The following VBP1 variants were observed in gnomAD, a reference collection of about 807,000 sequenced individuals.
VBP1 encodes VHL binding protein 1.
In VBP1, 4 loss-of-function variants were observed where a neutral mutation model predicts 15.5. The ratio of observed to expected loss-of-function variants is 0.26; its 90% confidence interval spans 0.13 to 0.59. The LOEUF is 0.59. Ranked by LOEUF, VBP1 falls within the 20% of genes least tolerant of loss-of-function variation. The pLI is 0.90. For synonymous variants in VBP1, 61 were observed against 52.1 expected (o/e 1.17, Z -0.74); for missense variants, 108 against 139.6 (o/e 0.77, Z 1.14).
intron 4 of VBP1, among the ~76,000 whole-genome samples, chrX:155,230,929 T>C (rs971424630): frequency 9.0e-6 from 1 of 111,694 alleles, no homozygotes; most frequent in African/African-American, 3.3e-5. Flanking sequence ...CTGCCCACCT[T>C]GGCCTCCCAA....
At chrX:155,237,233 A>G (rs1007461692) in intron 5 of VBP1, among the ~76,000 whole-genome samples, 1 of 111,202 alleles carries the variant, frequency 9.0e-6, no homozygotes, top group Non-Finnish European at 1.9e-5. Context: ...TTCCTGTCAC[A>G]GTCACTCAAG....
intron 1 of VBP1, among the ~76,000 whole-genome samples, chrX:155,202,256 A>T (rs1557307576): frequency 9.0e-6 from 1 of 111,661 alleles, no homozygotes; most frequent in Admixed American, 9.5e-5. Flanking sequence ...ATTGGAAAAA[A>T]TTTTAAAGTT....
At chrX:155,205,873 A>G (rs1247953282) in intron 1 of VBP1, among the ~76,000 whole-genome samples, 1 of 111,702 alleles carries the variant, frequency 9.0e-6, no homozygotes, top group Non-Finnish European at 1.9e-5. Flanking sequence ...TTCACTTTTC[A>G]ACTCACTTTA....
intron 1 of VBP1, among the ~76,000 whole-genome samples, chrX:155,202,089 C>T (rs1557307553): frequency 1.2e-4 from 13 of 111,137 alleles, no homozygotes. Context: ...AACTACAAAC[C>T]ACTGCTCAAT....
At chrX:155,231,188 G>A (rs2074744525) in intron 4 of VBP1, among the ~76,000 whole-genome samples, 1 of 112,098 alleles carries the variant, frequency 8.9e-6, no homozygotes, top group African/African-American at 3.2e-5. Flanking sequence ...GGAATACAGA[G>A]GTGTCCTTTC....
At chrX:155,236,775 A>G (rs2074775644) in intron 5 of VBP1, among the ~76,000 whole-genome samples, 1 of 112,727 alleles carries the variant, frequency 8.9e-6, no homozygotes, top group African/African-American at 3.2e-5. Context: ...GCAAATTCAC[A>G]TAGGTGAGTA....
rs1557307467 is a variant in VBP1, at chrX:155,201,541, C to T, written c.-31+4402C>T. 4.8e-5 allele frequency among the ~76,000 whole-genome samples: 4 copies of T among 84,078 alleles called. 1 individual carries two copies. The highest frequency in any genetic ancestry group is 2.4e-4 in the African/African-American group (4 of 16,327). 73.0% of individuals were successfully genotyped at this position (84,078 alleles called of 115,157 possible). On this transcript the variant is annotated intron_variant, in intron 1 of 6. Transcript: ENST00000535916. ...ATTATCTCAATAGATGCAGAAAAGA[C>T]CTTTGACAAATTCAACAACCCTTCA...
chrX:155,204,428 C>G (rs1557307887), intron 1 of VBP1, among the ~76,000 whole-genome samples: 1 of 112,017 alleles, frequency 8.9e-6, no homozygotes, highest in East Asian at 2.8e-4. Flanking sequence ...GCTAGAATTA[C>G]AGGTGTGAGG....
intron 2 of VBP1, among the ~76,000 whole-genome samples, chrX:155,226,252 G>C (rs1055789542): frequency 1.1e-4 from 12 of 111,469 alleles, no homozygotes; most frequent in Non-Finnish European, 1.9e-4. Flanking sequence ...CGGTATCATT[G>C]TTTTCTCTCT....
At chrX:155,222,322 A>T (rs1191935730) in intron 2 of VBP1, among the ~76,000 whole-genome samples, 1 of 111,062 alleles carries the variant, frequency 9.0e-6, no homozygotes, top group African/African-American at 3.3e-5. Context: ...TATATCTACA[A>T]AAATTAGCTA....
At chrX:155,238,623 CAGGATGTCT>C (rs2074785110) in intron 5 of VBP1, 140 bp from the exon 6 acceptor site, 2 of 416,739 alleles carry the variant, frequency 4.8e-6, no homozygotes, top group African/African-American at 5.1e-5. Context: ...GACATTATAG[CAGGATGTCT>C]TACAATACTA....
intron 5 of VBP1, among the ~76,000 whole-genome samples, chrX:155,237,116 C>T (rs896466095): frequency 2.7e-5 from 3 of 111,677 alleles, no homozygotes; most frequent in East Asian, 2.8e-4. Context: ...TTAAAGGCGG[C>T]GTAGGGTTTA....
At chrX:155,214,768 C>CTTTTTTTTTTT (rs782556765), upstream of VBP1, among the ~76,000 whole-genome samples, 3 of 83,076 alleles carry the variant, frequency 3.6e-5, no homozygotes, top group African/African-American at 5.2e-5. Context: ...TTTTCTTTTC[C>CTTTTTTTTTTT]TTTTTTTTTT....
chrX:155,214,767 C>CTTTTTTTTTTTTTTTTT (rs2074656436), upstream of VBP1, among the ~76,000 whole-genome samples: 1 of 57,393 alleles, frequency 1.7e-5, no homozygotes. Context: ...TTTTTCTTTT[C>CTTTTTTTTTTTTTTTTT]CTTTTTTTTT....
chrX:155,203,732 AC>A (rs2074616058), intron 1 of VBP1, among the ~76,000 whole-genome samples: 1 of 110,572 alleles, frequency 9.0e-6, no homozygotes, highest in South Asian at 3.9e-4. Context: ...CACATTGTGC[AC>A]ATGTACCCTA....
At chrX:155,218,581 G>A (rs2074675328) in intron 1 of VBP1, among the ~76,000 whole-genome samples, 1 of 111,030 alleles carries the variant, frequency 9.0e-6, no homozygotes, top group South Asian at 3.7e-4. Flanking sequence ...TTTCACCCTT[G>A]TCCATTTCAT....
chrX:155,211,780 A>C (rs2074645897), upstream of VBP1, among the ~76,000 whole-genome samples: 1 of 111,913 alleles, frequency 8.9e-6, no homozygotes, highest in South Asian at 3.8e-4. Flanking sequence ...ACAGATGTCT[A>C]TCTGAGGGAC....
intron 2 of VBP1, among the ~76,000 whole-genome samples, chrX:155,210,922 C>T (rs1475636686): frequency 8.9e-6 from 1 of 111,976 alleles, no homozygotes; most frequent in Non-Finnish European, 1.9e-5. Context: ...GCTTGGCTTT[C>T]TTGAAACTGT....
intron 1 of VBP1, among the ~76,000 whole-genome samples, chrX:155,205,468 C>G (rs896903068): frequency 9.0e-6 from 1 of 111,667 alleles, no homozygotes; most frequent in African/African-American, 3.3e-5. Context: ...ATACATCTTT[C>G]TTTCACTCCA....
Sources: gnomAD v4.1 joint callset for allele counts (sites outside exome capture counted in the v4.1 genomes callset) on GRCh38, gnomAD v4.1.1 for gene constraint, MANE v1.5 for transcripts, NCBI Gene and HGNC (gene_info 2026-07-23, HGNC 2026-07-21) for gene names.